Variants in SH3GL2 observed in about 807,000 individuals in gnomAD.
SH3GL2 encodes SH3 domain containing GRB2 like 2, endophilin A1, also known as endophilin-A1.
In SH3GL2, 24 loss-of-function variants were observed where a neutral mutation model predicts 46.0. The observed-to-expected ratio is 0.52, with a 90% CI of 0.38 to 0.73. The LOEUF is 0.73. SH3GL2 is among the 30% of genes least tolerant of loss of function. The pLI is 0.00. For synonymous variants in SH3GL2, 196 were observed against 147.1 expected (o/e 1.33, Z -2.40); for missense variants, 413 against 424.2 (o/e 0.97, Z 0.23).
rs1824258090 is a variant in SH3GL2, at chr9:17,795,757, C to G, written c.*14C>G. The G allele has an allele frequency of 6.2e-7, 1 of 1,603,818 alleles. No individual in the cohort carries two copies. The highest frequency in any genetic ancestry group is 8.5e-7 in the Non-Finnish European group (1 of 1,171,906). On this transcript the variant is annotated 3_prime_UTR_variant, in exon 9 of 9. Coordinates refer to ENST00000380607, the MANE Select transcript of SH3GL2 (RefSeq NM_003026.5). ...CTGCCCCATTAGGATGTTATGCTGG[C>G]TGGCTCGCCTCCTCTTGACCCAGAT... is the stretch of plus-strand genomic sequence containing the variant.
chr9:17,782,594 G>A (rs1476416136), intron 3 of SH3GL2, among the ~76,000 whole-genome samples: 1 of 152,106 alleles, frequency 6.6e-6, no homozygotes, highest in Admixed American at 6.6e-5. Flanking sequence ...TGGTGCCAAG[G>A]AGACCTGCTC....
intron 1 of SH3GL2, among the ~76,000 whole-genome samples, chr9:17,733,913 T>G (rs1371578866): frequency 2.0e-5 from 3 of 151,816 alleles, no homozygotes; most frequent in Non-Finnish European, 4.4e-5. Flanking sequence ...TAGGTGGGAA[T>G]TGAACAATGA....
chr9:17,666,904 GTTTT>G (rs1820358376), intron 1 of SH3GL2, among the ~76,000 whole-genome samples: 3 of 152,126 alleles, frequency 2.0e-5, no homozygotes, highest in Non-Finnish European at 2.9e-5. Context: ...TTTCTCCACA[GTTTT>G]GTCAACAGAA....
intron 3 of SH3GL2, among the ~76,000 whole-genome samples, chr9:17,765,483 A>G (rs769695447): frequency 6.6e-6 from 1 of 152,232 alleles, no homozygotes; most frequent in African/African-American, 2.4e-5. Context: ...AAGGTCCTAC[A>G]TCCACTCTTG....
chr9:17,681,061 A>G (rs985244991), intron 1 of SH3GL2, among the ~76,000 whole-genome samples: 4 of 152,112 alleles, frequency 2.6e-5, no homozygotes, highest in African/African-American at 7.2e-5. Flanking sequence ...TATGTGGTCA[A>G]TTTTGGAATA....
At chr9:17,728,944 A>G (rs576791234) in intron 1 of SH3GL2, among the ~76,000 whole-genome samples, 2 of 152,238 alleles carry the variant, frequency 1.3e-5, no homozygotes, top group South Asian at 4.1e-4. Flanking sequence ...ATACATGTGC[A>G]TGTGTCTTTA....
At chr9:17,632,424 G>C (rs920893071) in intron 1 of SH3GL2, among the ~76,000 whole-genome samples, 1 of 152,044 alleles carries the variant, frequency 6.6e-6, no homozygotes, top group Non-Finnish European at 1.5e-5. Context: ...TCTAATCACT[G>C]TTTTCATTTT....
chr9:17,649,456 T>C (rs1299309377), intron 1 of SH3GL2, among the ~76,000 whole-genome samples: 1 of 152,248 alleles, frequency 6.6e-6, no homozygotes, highest in Non-Finnish European at 1.5e-5. Context: ...TCTGATTTGG[T>C]TGGATCTCTG....
At chr9:17,727,583 C>T (rs1822055443) in intron 1 of SH3GL2, among the ~76,000 whole-genome samples, 1 of 152,022 alleles carries the variant, frequency 6.6e-6, no homozygotes, top group East Asian at 1.9e-4. Context: ...TATTCTTGTG[C>T]CTTGGAACTT....
chr9:17,637,829 C>G (rs993853292), intron 1 of SH3GL2, among the ~76,000 whole-genome samples: 3 of 152,196 alleles, frequency 2.0e-5, no homozygotes, highest in Non-Finnish European at 4.4e-5. Flanking sequence ...CACTTAATAT[C>G]TATTCCTCCA....
At chr9:17,772,317 A>C (rs1823508395) in intron 3 of SH3GL2, among the ~76,000 whole-genome samples, 1 of 152,188 alleles carries the variant, frequency 6.6e-6, no homozygotes, top group Non-Finnish European at 1.5e-5. Context: ...ATTTAGAATT[A>C]ATTTTTCTTA....
intron 1 of SH3GL2, among the ~76,000 whole-genome samples, chr9:17,673,598 A>T (rs541356765): frequency 1.5e-4 from 23 of 152,252 alleles, no homozygotes; most frequent in African/African-American, 5.5e-4. Context: ...AGCAGGATAA[A>T]GTCTGAGCTC....
intron 1 of SH3GL2, among the ~76,000 whole-genome samples, chr9:17,719,331 T>C (rs1301126126): frequency 6.6e-6 from 1 of 152,182 alleles, no homozygotes; most frequent in Non-Finnish European, 1.5e-5. Context: ...AGTTAACTAT[T>C]TATAGACTGT....
intron 1 of SH3GL2, among the ~76,000 whole-genome samples, chr9:17,742,758 A>G (rs185615737): frequency 6.6e-6 from 1 of 152,334 alleles, no homozygotes; most frequent in Admixed American, 6.5e-5. Flanking sequence ...ATAAAGTCTC[A>G]ATGCTGTACT....
intron 1 of SH3GL2, among the ~76,000 whole-genome samples, chr9:17,595,900 T>C (rs1818560868): frequency 6.6e-6 from 1 of 152,210 alleles, no homozygotes; most frequent in African/African-American, 2.4e-5. Flanking sequence ...ATTTTTTTAA[T>C]GAACATTTGA....
At chr9:17,623,601 G>T (rs1037288528) in intron 1 of SH3GL2, among the ~76,000 whole-genome samples, 1 of 151,722 alleles carries the variant, frequency 6.6e-6, no homozygotes, top group Admixed American at 6.6e-5. Context: ...TTTTCTTTTT[G>T]CTTGGAAATC....
chr9:17,714,291 T>C (rs1241352645), intron 1 of SH3GL2, among the ~76,000 whole-genome samples: 2 of 151,758 alleles, frequency 1.3e-5, no homozygotes, highest in Non-Finnish European at 3.0e-5. Context: ...TATCGTTGGG[T>C]CTTCATCTTT....
At chr9:17,775,970 C>T (rs1200833454) in intron 3 of SH3GL2, among the ~76,000 whole-genome samples, 1 of 152,150 alleles carries the variant, frequency 6.6e-6, no homozygotes, top group Non-Finnish European at 1.5e-5. Context: ...AAGGAAGCCA[C>T]TCTTGAGAAT....
intron 2 of SH3GL2, among the ~76,000 whole-genome samples, chr9:17,751,858 C>T (rs552073383): frequency 1.3e-5 from 2 of 152,182 alleles, no homozygotes; most frequent in East Asian, 1.9e-4. Flanking sequence ...GACACACCCC[C>T]CCGGTGTGGG....
Sources: allele counts gnomAD v4.1 joint callset (sites outside exome capture counted in the v4.1 genomes callset), GRCh38; gene constraint gnomAD v4.1.1; transcripts MANE v1.5; gene names NCBI Gene and HGNC (gene_info 2026-07-23, HGNC 2026-07-21).